RPS6KA2: variants seen among roughly 807,000 people sequenced by gnomAD.
The protein encoded by RPS6KA2 is ribosomal protein S6 kinase alpha-2.
A neutral mutation model predicts 91.8 loss-of-function variants in RPS6KA2; 42 were observed. That is an observed-to-expected ratio of 0.46 (90% CI 0.36 to 0.59). The LOEUF (loss-of-function observed/expected upper bound fraction) is 0.59. Among genes scored for constraint, RPS6KA2 ranks in the 20% least tolerant of loss-of-function variants. The probability of loss-of-function intolerance (pLI) is 0.00; values close to 1 mark genes in which losing one functional copy is unlikely to be tolerated. For missense variants in RPS6KA2, 798 were observed against 978.5 expected (o/e 0.82, Z 2.46); for synonymous variants, 414 against 393.6 (o/e 1.05, Z -0.61).
chr6:166,431,482 C>T (rs1444237158), intron 15 of RPS6KA2, among the ~76,000 whole-genome samples: 3 of 152,194 alleles, frequency 2.0e-5, no homozygotes, highest in Non-Finnish European at 4.4e-5. Context: ...CACAGAGAGG[C>T]TAGGCAGAGT....
chr6:166,859,528 T>A (rs1226608046), intron 1 of RPS6KA2, among the ~76,000 whole-genome samples: 1 of 152,242 alleles, frequency 6.6e-6, no homozygotes, highest in East Asian at 1.9e-4. Context: ...AGGTTCTGGC[T>A]CTTAATGAGC....
chr6:166,478,868 C>G (rs1039435866), intron 10 of RPS6KA2, among the ~76,000 whole-genome samples: 2 of 152,202 alleles, frequency 1.3e-5, no homozygotes, highest in Admixed American at 6.5e-5. Flanking sequence ...TCCTACTTCA[C>G]GATGTCGGTG....
intron 2 of RPS6KA2, among the ~76,000 whole-genome samples, chr6:166,744,530 C>A (rs940364802): frequency 6.6e-6 from 1 of 152,226 alleles, no homozygotes; most frequent in Non-Finnish European, 1.5e-5. Context: ...CCTCAGCCCC[C>A]AGGGACTGCC....
At chr6:166,615,917 T>A (rs749320548) in intron 1 of RPS6KA2, among the ~76,000 whole-genome samples, 9 of 152,142 alleles carry the variant, frequency 5.9e-5, no homozygotes, top group Non-Finnish European at 1.2e-4. Context: ...TTGGGAGACA[T>A]CTCCCTGCAT....
chr6:166,540,847 G>A (rs1783630977), intron 1 of RPS6KA2, among the ~76,000 whole-genome samples: 1 of 152,184 alleles, frequency 6.6e-6, no homozygotes, highest in Admixed American at 6.5e-5. Context: ...CGCGGCTGCT[G>A]GAGGTGGCTT....
At chr6:166,572,188 G>A (rs920126944) in intron 1 of RPS6KA2, among the ~76,000 whole-genome samples, 1 of 152,188 alleles carries the variant, frequency 6.6e-6, no homozygotes, top group Non-Finnish European at 1.5e-5. Flanking sequence ...TTAAATATGT[G>A]TATCTGAGTG....
At chr6:166,558,935 T>C (rs747016080) in intron 1 of RPS6KA2, among the ~76,000 whole-genome samples, 16 of 152,246 alleles carry the variant, frequency 1.1e-4, no homozygotes, top group East Asian at 5.8e-4. Context: ...AAAGATTATA[T>C]TGGAGTTTCA....
chr6:166,623,610 A>G (rs763367613), intron 1 of RPS6KA2, among the ~76,000 whole-genome samples: 36 of 152,170 alleles, frequency 2.4e-4, no homozygotes, highest in Admixed American at 1.0e-3. Flanking sequence ...TTCCTCATCT[A>G]TGAAGTGGAC....
In RPS6KA2 at chr6:166,493,360, T is replaced by G. The variant is rs1781673042; in HGVS notation, c.748-2619A>C. Reference sequence around the variant, plus strand: ...GATCATTTCAGTATGATTGTCTGAATGGAGCTGCCCGGGAACTTTCCAGTG... The same window carrying G: ...GATCATTTCAGTATGATTGTCTGAAGGGAGCTGCCCGGGAACTTTCCAGTG... On this transcript the variant is annotated intron_variant, in intron 8 of 20. Transcript: ENST00000265678. This position sits in a 1 kb window ranked among gnomAD's most constrained non-coding sequence, Gnocchi z 4.7. Among the ~76,000 whole-genome samples, 1 of 152,158 alleles carries G rather than the reference T, an allele frequency of 6.6e-6. No individual in the cohort carries two copies. The highest frequency in any genetic ancestry group is 1.5e-5 in the Non-Finnish European group (1 of 68,034).
chr6:166,793,663 A>T (rs1323804714), intron 2 of RPS6KA2, among the ~76,000 whole-genome samples: 1 of 152,116 alleles, frequency 6.6e-6, no homozygotes, highest in African/African-American at 2.4e-5. Flanking sequence ...GAGATACAGA[A>T]CAATGGAACA....
intron 2 of RPS6KA2, among the ~76,000 whole-genome samples, chr6:166,783,007 G>C (rs1279796425): frequency 6.6e-6 from 1 of 151,458 alleles, no homozygotes; most frequent in Non-Finnish European, 1.5e-5. Flanking sequence ...CCAGTTGTTT[G>C]GTCAAACACC....
At chr6:166,686,246 A>G (rs1248866289) in intron 2 of RPS6KA2, among the ~76,000 whole-genome samples, 1 of 152,162 alleles carries the variant, frequency 6.6e-6, no homozygotes, top group Non-Finnish European at 1.5e-5. Flanking sequence ...GGCACCAGGC[A>G]TGAGGATTTG....
At chr6:166,638,679 A>C (rs760910813) in intron 2 of RPS6KA2, among the ~76,000 whole-genome samples, 1 of 152,192 alleles carries the variant, frequency 6.6e-6, no homozygotes, top group Non-Finnish European at 1.5e-5. Context: ...CTGAGTCTCT[A>C]GAACAGTGGT....
chr6:166,723,577 C>G (rs1484279213), intron 2 of RPS6KA2, among the ~76,000 whole-genome samples: 1 of 152,150 alleles, frequency 6.6e-6, no homozygotes, highest in Admixed American at 6.5e-5. Context: ...CAAACAGAAG[C>G]GAGGGCACTG....
chr6:166,485,236 G>C (rs1177605233), intron 10 of RPS6KA2, among the ~76,000 whole-genome samples: 1 of 152,232 alleles, frequency 6.6e-6, no homozygotes, highest in Non-Finnish European at 1.5e-5. Flanking sequence ...CTCTGGACCA[G>C]ACACTGAAAA....
rs563839726 is a variant in RPS6KA2 at position 166,449,968 on chromosome 6, T to C, written c.1207-1119A>G. Among the ~76,000 whole-genome samples the C allele has an allele frequency of 8.3e-5, 12 of 145,452 alleles. 1 individual carries two copies. Among genetic ancestry groups the C allele is most frequent in the African/African-American group, 2.8e-4 (11 of 38,782 alleles). On this transcript the variant is annotated intron_variant, in intron 13 of 20. Coordinates refer to ENST00000265678, the MANE Select transcript of RPS6KA2 (RefSeq NM_021135.6). Reference sequence around the variant, plus strand: ...ACAGGAACCACTACAGGGACCACCATGGAGACCACCACAGGGACCGCCATG... The same window carrying C: ...ACAGGAACCACTACAGGGACCACCACGGAGACCACCACAGGGACCGCCATG...
chr6:166,637,425 G>C (rs538287227), intron 2 of RPS6KA2, among the ~76,000 whole-genome samples: 1 of 152,232 alleles, frequency 6.6e-6, no homozygotes, highest in Admixed American at 6.5e-5. Context: ...CTCATTCCTG[G>C]CTCTGGCCCT....
At chr6:166,413,208 CAGTG>C (rs149887383) in intron 20 of RPS6KA2, among the ~76,000 whole-genome samples, 4,366 of 152,266 alleles carry the variant, frequency 0.029, 221 homozygotes, top group African/African-American at 0.1. Context: ...TGCATTCTGA[CAGTG>C]AGGCCAGGTC....
chr6:166,580,458 C>G (rs1784969712), intron 1 of RPS6KA2, among the ~76,000 whole-genome samples: 1 of 152,198 alleles, frequency 6.6e-6, no homozygotes, highest in African/African-American at 2.4e-5. Flanking sequence ...TCCGCTAACA[C>G]TCATGATAGC....
Sources: allele counts gnomAD v4.1 joint callset (sites outside exome capture counted in the v4.1 genomes callset), GRCh38; gene constraint gnomAD v4.1.1; non-coding constraint Gnocchi (gnomAD v3.1); transcripts MANE v1.5; gene names NCBI Gene and HGNC (gene_info 2026-07-23, HGNC 2026-07-21).